Variants in EVL observed in about 807,000 individuals in gnomAD.
EVL encodes the protein ena/VASP-like protein.
EVL carries 21 observed loss-of-function variants against 59.6 expected under a neutral mutation model. The observed-to-expected ratio is 0.35, with a 90% CI of 0.25 to 0.51. The LOEUF is 0.51. Ranked by LOEUF, EVL falls within the 20% of genes least tolerant of loss-of-function variation. The pLI, the probability that EVL is intolerant of heterozygous loss-of-function variation, is 0.97. For missense variants in EVL, 462 were observed against 546.6 expected, an observed-to-expected ratio of 0.85 and a Z score of 1.54; for synonymous variants, 198 against 203.5, an observed-to-expected ratio of 0.97 and a Z score of 0.23.
Position 100,143,716 on chromosome 14 carries a change from T to G in EVL, c.1235T>G (p.Leu412Arg), listed in dbSNP as rs1889349517. 1 of 1,612,270 alleles carries G rather than the reference T, an allele frequency of 6.2e-7. No individual in the cohort carries two copies. The highest frequency in any genetic ancestry group is 1.3e-5 in the African/African-American group (1 of 74,920). ...EEIIDAIRQE[L>R]SGISTT is the part of the protein sequence containing the mutation. ...TGTCCCGCAGCCATCAGGCAGGAGC[T>G]GAGTGGGATCAGCACCACGTAAGGG... is the stretch of plus-strand genomic sequence containing the variant. Residue 412 changes from leucine to arginine, a missense_variant, in exon 14 of 14, where the codon CTG becomes CGG. Coordinates refer to ENST00000392920, the MANE Select transcript of EVL (RefSeq NM_016337.3).
chr14:100,143,909 A>C lies in EVL; in HGVS notation c.*171A>C. 2.9e-6 allele frequency: 2 copies of C among 691,564 alleles called. No homozygotes were observed. The highest frequency in any genetic ancestry group is 4.7e-6 in the Non-Finnish European group (2 of 427,160). The allele number at this position is 691,564 out of a possible 1,614,324, so 42.8% of individuals were successfully genotyped here. A position where few individuals can be genotyped will look rare whatever the true frequency, so the allele number is the denominator to read the frequency against. ...CATGACAGTGAGGAAACCAAGTGCAACTCCTGGGTTTTTTTAGATTCTGCC... is the reference window on the plus strand; with the variant it reads ...CATGACAGTGAGGAAACCAAGTGCACCTCCTGGGTTTTTTTAGATTCTGCC... On this transcript the variant is annotated 3_prime_UTR_variant, in exon 14 of 14. Transcript: ENST00000392920.
chr14:100,143,821 T>C lies in EVL; in HGVS notation c.*83T>C, dbSNP rs1353441035. 2.6e-6 allele frequency: 4 copies of C among 1,534,064 alleles called. No homozygotes were observed. The highest frequency in any genetic ancestry group is 3.6e-6 in the Non-Finnish European group (4 of 1,125,742). On this transcript the variant is annotated 3_prime_UTR_variant, in exon 14 of 14. Transcript: ENST00000392920. Reference sequence around the variant, plus strand: ...AAGCCCAGCCAGCCCCAGACTCCAGTGCACCAGAGCACGCACAGGAGCCTG... The same window carrying C: ...AAGCCCAGCCAGCCCCAGACTCCAGCGCACCAGAGCACGCACAGGAGCCTG...
At chr14:100,026,919 T>C (rs2061223816) in intron 1 of EVL, among the ~76,000 whole-genome samples, 1 of 152,158 alleles carries the variant, frequency 6.6e-6, no homozygotes, top group Non-Finnish European at 1.5e-5. Context: ...CATGTGGATC[T>C]TTGATAGATG....
At chr14:99,993,943 C>T (rs964322980) in intron 1 of EVL, among the ~76,000 whole-genome samples, 1 of 151,634 alleles carries the variant, frequency 6.6e-6, no homozygotes, top group Non-Finnish European at 1.5e-5. Flanking sequence ...ATCTGCCTGC[C>T]TCAGCTTCCC....
chr14:100,132,522 C>T (rs535741006), intron 7 of EVL, among the ~76,000 whole-genome samples, 197 bp from the exon 8 acceptor site: 15 of 152,294 alleles, frequency 9.8e-5, no homozygotes, highest in Admixed American at 8.5e-4. Flanking sequence ...CATGACCACA[C>T]GGAGGGCCTG....
chr14:100,011,016 T>C (rs964785082), intron 1 of EVL, among the ~76,000 whole-genome samples: 1 of 152,228 alleles, frequency 6.6e-6, no homozygotes, highest in Non-Finnish European at 1.5e-5. Flanking sequence ...CTAAGAAAAC[T>C]AAGCAATTAT....
At chr14:100,001,986 G>A (rs928006780) in intron 1 of EVL, among the ~76,000 whole-genome samples, 4 of 152,114 alleles carry the variant, frequency 2.6e-5, no homozygotes, top group Non-Finnish European at 5.9e-5. Context: ...AAATTCTGGA[G>A]GAATCAAGTA....
chr14:100,107,146 C>G (rs1292968630), intron 3 of EVL: 3 of 398,696 alleles, frequency 7.5e-6, no homozygotes, highest in African/African-American at 4.1e-5. Flanking sequence ...TGCTGCTCCT[C>G]TTTTTGTCCC....
intron 3 of EVL, among the ~76,000 whole-genome samples, chr14:100,101,302 A>G (rs931690075): frequency 5.9e-5 from 9 of 152,196 alleles, no homozygotes; most frequent in African/African-American, 2.2e-4. Context: ...CCTGACAAAC[A>G]TAGGGAAACC....
In EVL at chr14:100,128,754, A is replaced by G. The variant is rs1402333379; in HGVS notation, c.717+6A>G. ...AGCTGAGAAGAGTCCAACGGGTAAG[A>G]GCTCCTGTGTGCGGGGTGGGAATGG... On this transcript the variant is annotated splice_donor_region_variant and intron_variant, in intron 6 of 13. Transcript: ENST00000392920. 1.2e-6 allele frequency: 2 copies of G among 1,602,376 alleles called. No individual in the cohort carries two copies. Among genetic ancestry groups the G allele is most frequent in the African/African-American group, 2.7e-5 (2 of 74,846 alleles).
intron 1 of EVL, among the ~76,000 whole-genome samples, chr14:100,001,559 A>G (rs2060946343): frequency 6.6e-6 from 1 of 152,216 alleles, no homozygotes; most frequent in Admixed American, 6.5e-5. Context: ...AGGCTTTTAA[A>G]ATTGGCTTTG....
At chr14:100,014,009 TTTA>T (rs2061034260) in intron 1 of EVL, among the ~76,000 whole-genome samples, 1 of 152,206 alleles carries the variant, frequency 6.6e-6, no homozygotes, top group African/African-American at 2.4e-5. Flanking sequence ...ACCTCAAACA[TTTA>T]TTATTTCTTT....
At position 100,093,945 on chromosome 14, in the gene EVL, ATTAG is replaced by A. The variant is rs574078115; in HGVS notation, c.181-3532_181-3529del. Among the ~76,000 whole-genome samples, 187 of 152,346 alleles carry A rather than the reference ATTAG, an allele frequency of 1.2e-3. 1 individual carries two copies. The highest frequency in any genetic ancestry group is 1.7e-3 in the Non-Finnish European group (119 of 68,028). ...AATATTATAATTGTTCCATTTTATT[ATTAG>A]TTATTGTTGTTAATCTCTGACTATG... On this transcript the variant is annotated intron_variant, in intron 2 of 13. Coordinates refer to ENST00000392920, the MANE Select transcript of EVL (RefSeq NM_016337.3).
At chr14:99,992,396 A>G (rs1191306808) in intron 1 of EVL, among the ~76,000 whole-genome samples, 1 of 151,870 alleles carries the variant, frequency 6.6e-6, no homozygotes, top group Non-Finnish European at 1.5e-5. Context: ...CCCACTTTGT[A>G]GGTTGTCTTT....
intron 1 of EVL, among the ~76,000 whole-genome samples, chr14:100,026,361 TG>T (rs2140210197): frequency 7.3e-6 from 1 of 137,138 alleles, no homozygotes; most frequent in Non-Finnish European, 1.6e-5. Flanking sequence ...TTAAGTAATT[TG>T]CTTAAAGTCA....
chr14:99,997,552 G>A (rs972142626), intron 1 of EVL, among the ~76,000 whole-genome samples: 5 of 152,238 alleles, frequency 3.3e-5, no homozygotes, highest in African/African-American at 9.6e-5. Flanking sequence ...GGGGAGGGCC[G>A]TGGGAGTAGA....
chr14:100,007,692 G>A (rs1337434942), intron 1 of EVL, among the ~76,000 whole-genome samples: 4 of 152,214 alleles, frequency 2.6e-5, no homozygotes, highest in Admixed American at 6.5e-5. Context: ...GCACTCCAGC[G>A]GGGAGGTACA....
chr14:100,096,167 C>T (rs1885798118), intron 2 of EVL, among the ~76,000 whole-genome samples: 1 of 152,210 alleles, frequency 6.6e-6, no homozygotes, highest in East Asian at 1.9e-4. Context: ...CTCATGTTTG[C>T]TGTCCTCTGG....
At chr14:100,119,508 C>T (rs1260864271) in intron 3 of EVL, among the ~76,000 whole-genome samples, 1 of 152,196 alleles carries the variant, frequency 6.6e-6, no homozygotes, top group Admixed American at 6.5e-5. Flanking sequence ...AGTGAGTGCA[C>T]GCAGCCTGTG....
Sources: allele counts gnomAD v4.1 joint callset (sites outside exome capture counted in the v4.1 genomes callset), GRCh38; gene constraint gnomAD v4.1.1; transcripts MANE v1.5; gene names NCBI Gene and HGNC (gene_info 2026-07-23, HGNC 2026-07-21).